TMC1: variants seen among roughly 807,000 people sequenced by gnomAD.
TMC1 encodes the protein transmembrane channel-like protein 1.
In TMC1, 84 loss-of-function variants were observed where a neutral mutation model predicts 105.8. The ratio of observed to expected loss-of-function variants is 0.79; its 90% CI spans 0.67 to 0.95. TMC1 has a LOEUF of 0.95. TMC1 is among the 40% of genes least tolerant of loss of function. The pLI, the probability that TMC1 is intolerant of heterozygous loss-of-function variation, is 0.00. For synonymous variants in TMC1, 315 were observed against 311.5 expected, an observed-to-expected ratio of 1.01 and a Z score of -0.12; for missense variants, 817 against 914.1, an observed-to-expected ratio of 0.89 and a Z score of 1.37.
chr9:72,608,431 G>A (rs534775363), intron 2 of TMC1, among the ~76,000 whole-genome samples: 42 of 152,254 alleles, frequency 2.8e-4, no homozygotes, highest in African/African-American at 9.6e-4. Context: ...TGCAGTCCAG[G>A]CGTGGTGGCC....
chr9:72,545,570 C>T (rs1389451747), intron 1 of TMC1, among the ~76,000 whole-genome samples: 1 of 152,124 alleles, frequency 6.6e-6, no homozygotes, highest in African/African-American at 2.4e-5. Context: ...TCACTGCAAC[C>T]TCTGCCTCCT....
intron 5 of TMC1, chr9:72,655,777 T>G: frequency 3.5e-6 from 2 of 566,612 alleles, no homozygotes; most frequent in Non-Finnish European, 6.4e-6. Context: ...TACTGATGCT[T>G]GTTTCATTTT....
intron 5 of TMC1, among the ~76,000 whole-genome samples, chr9:72,655,351 C>A (rs34064673): frequency 0.051 from 7,777 of 152,220 alleles, 236 homozygotes; most frequent in Non-Finnish European, 0.062. Flanking sequence ...ACGGTACATA[C>A]AATTACAGGT....
chr9:72,566,524 G>T (rs1824156878), intron 1 of TMC1, among the ~76,000 whole-genome samples: 1 of 152,176 alleles, frequency 6.6e-6, no homozygotes, highest in Non-Finnish European at 1.5e-5. Context: ...GTTGGAGGGA[G>T]ATGGAAAATG....
At chr9:72,751,698 A>G in intron 10 of TMC1, 152 bp from the exon 11 acceptor site, 1 of 633,094 alleles carries the variant, frequency 1.6e-6, no homozygotes, top group Admixed American at 2.7e-5. Context: ...CTCTTCCTGA[A>G]TAGAGAGAAA....
chr9:72,749,439 G>T (rs1827542970), intron 10 of TMC1, among the ~76,000 whole-genome samples: 1 of 152,074 alleles, frequency 6.6e-6, no homozygotes, highest in Admixed American at 6.6e-5. Flanking sequence ...AGTGAACCTG[G>T]CTGAGCAGCC....
chr9:72,549,268 T>G (rs146388750), intron 1 of TMC1, among the ~76,000 whole-genome samples: 92 of 152,192 alleles, frequency 6.0e-4, no homozygotes, highest in East Asian at 1.9e-3. Context: ...ATTAATTTTT[T>G]TGTGTGTGTG....
intron 3 of TMC1, among the ~76,000 whole-genome samples, chr9:72,627,011 A>G (rs545329932): frequency 1.9e-4 from 28 of 150,450 alleles, no homozygotes; most frequent in Middle Eastern, 3.5e-3. Flanking sequence ...TGAGTCATAA[A>G]TGTACTACTA....
At chr9:72,578,627 C>A (rs12344734) in intron 2 of TMC1, among the ~76,000 whole-genome samples, 20,464 of 152,046 alleles carry the variant, frequency 0.13, 1,897 homozygotes, top group African/African-American at 0.25. Flanking sequence ...TGTGCTCTGA[C>A]GAGCTAGTGA....
At chr9:72,823,601 T>C (rs1415714214) in intron 20 of TMC1, among the ~76,000 whole-genome samples, 3 of 152,156 alleles carry the variant, frequency 2.0e-5, no homozygotes, top group African/African-American at 7.2e-5. Context: ...GGGTAAATTT[T>C]CCAAGAAATT....
intron 21 of TMC1, 48 bp from the exon 22 acceptor site, chr9:72,830,403 G>C: frequency 7.8e-7 from 1 of 1,276,550 alleles, no homozygotes; most frequent in South Asian, 1.2e-5. Flanking sequence ...AAGTATCTTG[G>C]GGAACTGAAA....
At chr9:72,546,398 T>A (rs1357380366) in intron 1 of TMC1, among the ~76,000 whole-genome samples, 7 of 152,226 alleles carry the variant, frequency 4.6e-5, no homozygotes, top group Admixed American at 4.6e-4. Context: ...AACATTGACA[T>A]TATTTAATTC....
At chr9:72,585,262 G>A (rs10114620) in intron 2 of TMC1, among the ~76,000 whole-genome samples, 2 of 150,342 alleles carry the variant, frequency 1.3e-5, no homozygotes, top group Non-Finnish European at 3.0e-5. Context: ...GCCATTCTCC[G>A]GCCGCAGCCT....
intron 23 of TMC1, 39 bp from the exon 24 acceptor site, chr9:72,835,912 C>CTTTT: frequency 2.8e-6 from 4 of 1,436,324 alleles, no homozygotes; most frequent in African/African-American, 1.5e-5. Context: ...TCTCTCTCTC[C>CTTTT]TTGTTTTTTT....
chr9:72,736,261 T>C (rs1225907287), intron 8 of TMC1, among the ~76,000 whole-genome samples: 2 of 152,214 alleles, frequency 1.3e-5, no homozygotes, highest in Non-Finnish European at 2.9e-5. Flanking sequence ...AAATGATATT[T>C]ATAACATCTG....
rs1828964576 is a variant in TMC1 at position 72,826,866 on chromosome 9, C to T, written c.2004-3C>T. The T allele has an allele frequency of 2.5e-6, 4 of 1,613,780 alleles. No individual in the cohort carries two copies. The East Asian group carries it at 8.9e-5, about 36-fold the overall frequency. On this transcript the variant is annotated splice_region_variant and splice_polypyrimidine_tract_variant and intron_variant, in intron 20 of 23. Coordinates refer to ENST00000297784, the MANE Select transcript of TMC1 (RefSeq NM_138691.3). ...CTTATCTCCCCCTTTTTAATTCCCC[C>T]AGTGGCAAAAATAGAATGTTTGAAG...
chr9:72,648,466 A>T, intron 4 of TMC1, 131 bp from the exon 5 acceptor site: 1 of 661,294 alleles, frequency 1.5e-6, no homozygotes. Context: ...GTGAAAATTT[A>T]ATGGTGAGGA....
chr9:72,669,366 GAAAT>G, intron 5 of TMC1, among the ~76,000 whole-genome samples: 1 of 152,048 alleles, frequency 6.6e-6, no homozygotes. Flanking sequence ...TAAAGGAAAA[GAAAT>G]AACATCTCAC....
chr9:72,777,007 G>A (rs923156563), intron 13 of TMC1, among the ~76,000 whole-genome samples: 4 of 151,230 alleles, frequency 2.6e-5, no homozygotes, highest in African/African-American at 9.7e-5. Flanking sequence ...CAAACGTTTT[G>A]TTAAAAAAAA....
Sources: allele counts gnomAD v4.1 joint callset (sites outside exome capture counted in the v4.1 genomes callset), GRCh38; gene constraint gnomAD v4.1.1; transcripts MANE v1.5; gene names NCBI Gene and HGNC (gene_info 2026-07-23, HGNC 2026-07-21).